KCNH4: variants seen among roughly 807,000 people sequenced by gnomAD.
KCNH4 encodes potassium voltage-gated channel subfamily H member 4.
Under a neutral mutation model 90.7 loss-of-function variants are expected in KCNH4, and 33 were observed. The observed-to-expected ratio is 0.36, with a 90% CI of 0.28 to 0.49. The LOEUF (loss-of-function observed/expected upper bound fraction) is 0.49. Among genes scored for constraint, KCNH4 ranks in the 20% least tolerant of loss-of-function variants. The probability of loss-of-function intolerance (pLI) is 0.98; values close to 1 mark genes in which losing one functional copy is unlikely to be tolerated. For missense variants in KCNH4, 1,044 were observed against 1,387.1 expected (o/e 0.75, Z 3.93); for synonymous variants, 551 against 581.7 (o/e 0.95, Z 0.76).
intron 6 of KCNH4, among the ~76,000 whole-genome samples, chr17:42,173,033 C>T (rs1000293921): frequency 2.6e-5 from 4 of 151,744 alleles, no homozygotes; most frequent in East Asian, 3.9e-4. Context: ...TAGGGGTTGA[C>T]GGAGATAATG....
chr17:42,161,745 C>T (rs1004914620), intron 15 of KCNH4, among the ~76,000 whole-genome samples: 4 of 152,204 alleles, frequency 2.6e-5, no homozygotes, highest in East Asian at 1.9e-4. Flanking sequence ...CCAACTGGTA[C>T]GGAGTGCCTA....
chr17:42,178,544 C>T lies in KCNH4; in HGVS notation c.311-67G>A, dbSNP rs995384236. ...CCATGGCATGCCTTTCTCCTCATCC[C>T]TCTCATCCTCCTAGACATAGTTAAG... On this transcript the variant is annotated intron_variant, in intron 2 of 16. Coordinates refer to ENST00000264661, the MANE Select transcript of KCNH4 (RefSeq NM_012285.3). 1.0e-5 allele frequency: 16 copies of T among 1,564,814 alleles called. No homozygotes were observed. In the African/African-American group the frequency reaches 1.9e-4, roughly 19 times the overall value.
chr17:42,168,723 G>A (rs1257023676), intron 9 of KCNH4, among the ~76,000 whole-genome samples: 7 of 151,862 alleles, frequency 4.6e-5, no homozygotes, highest in Non-Finnish European at 8.8e-5. Flanking sequence ...CTCACCCCCC[G>A]GGCCCTGTTT....
At chr17:42,178,276 C>T (rs1340573973) in intron 3 of KCNH4, 49 bp from the exon 4 acceptor site, 1 of 1,614,112 alleles carries the variant, frequency 6.2e-7, no homozygotes, top group South Asian at 1.1e-5. Flanking sequence ...TCCCTTGCGG[C>T]TGGTTAGGCG....
rs1450294897 is a variant in KCNH4, at chr17:42,160,210, C to T, written c.2884G>A (p.Val962Met). Reference protein sequence around the residue: ...TLAEVHCPASVGTMETGTALL... With the variant: ...TLAEVHCPASMGTMETGTALL... ...GCAGTCCCTGTCTCCATGGTCCCCACACTGGCTGGGCAGTGAACTTCAGCA... is the reference window on the plus strand; with the variant it reads ...GCAGTCCCTGTCTCCATGGTCCCCATACTGGCTGGGCAGTGAACTTCAGCA... Residue 962 changes from valine to methionine, a missense_variant, in exon 16 of 17, where the codon GTG becomes ATG. By Grantham distance (21) the Val-to-Met change is conservative (BLOSUM62 1). Around this residue, in one of 4 missense-constraint regions of KCNH4, gnomAD observed 441 missense variants for 512.3 expected, o/e 0.86. Transcript: ENST00000264661. 6.2e-7 allele frequency: 1 copy of T among 1,613,872 alleles called. No homozygotes were observed. Among genetic ancestry groups the T allele is most frequent in the Admixed American group, 1.7e-5 (1 of 59,998 alleles).
chr17:42,173,774 C>A (rs1162334486), intron 6 of KCNH4, among the ~76,000 whole-genome samples: 1 of 133,504 alleles, frequency 7.5e-6, no homozygotes, highest in East Asian at 2.3e-4. Flanking sequence ...AATCTCGGCT[C>A]ACTGAAAGCT....
Position 42,176,086 on chromosome 17 carries a change from C to G in KCNH4, c.797G>C (p.Ser266Thr). Reference sequence around the variant, plus strand: ...GAAGAGCATTTCCACGGCGATGTCGCTGACAAGGGTGTGTCGCGAAGTGAT... The same window carrying G: ...GAAGAGCATTTCCACGGCGATGTCGGTGACAAGGGTGTGTCGCGAAGTGAT... ...TPITSRHTLV[S>T]DIAVEMLFIL... The change falls in exon 5 of 17, where the codon AGC becomes ACC. Residue 266 changes from serine to threonine, a missense_variant. Ser to Thr is a moderately conservative substitution (Grantham distance 58, BLOSUM62 1). Coordinates refer to ENST00000264661, the MANE Select transcript of KCNH4 (RefSeq NM_012285.3). 6.2e-7 allele frequency: 1 copy of G among 1,610,432 alleles called. No homozygotes were observed. Among genetic ancestry groups the G allele is most frequent in the South Asian group, 1.1e-5 (1 of 91,030 alleles).
At chr17:42,173,120 C>T (rs1020784489) in intron 6 of KCNH4, among the ~76,000 whole-genome samples, 1 of 151,382 alleles carries the variant, frequency 6.6e-6, no homozygotes, top group African/African-American at 2.4e-5. Flanking sequence ...ATTGATTAGC[C>T]CTTCAATCTT....
intron 6 of KCNH4, among the ~76,000 whole-genome samples, chr17:42,174,914 C>T (rs977916677): frequency 6.6e-6 from 1 of 152,180 alleles, no homozygotes; most frequent in Non-Finnish European, 1.5e-5. Flanking sequence ...CCAGCTAAAT[C>T]CTACTCACCC....
chr17:42,162,193 G>A, intron 15 of KCNH4, 55 bp downstream of exon 15: 5 of 1,494,708 alleles, frequency 3.3e-6, no homozygotes, highest in Non-Finnish European at 4.7e-6. Flanking sequence ...TGAGCCACGT[G>A]TAGGGTCTGA....
chr17:42,178,084 TG>T lies in KCNH4; in HGVS notation c.585+15del, dbSNP rs918263297. 8 of 1,610,200 alleles carry T rather than the reference TG, an allele frequency of 5.0e-6. No homozygotes were observed. The highest frequency in any genetic ancestry group is 6.8e-6 in the Non-Finnish European group (8 of 1,178,130). Reference sequence around the variant, plus strand: ...CTGGAGGACTTGGGAGATGTTGGGTTGGGGGTGGGACTCACATTATTGGCCT... The same window carrying T: ...CTGGAGGACTTGGGAGATGTTGGGTTGGGGTGGGACTCACATTATTGGCCT... On this transcript the variant is annotated intron_variant, in intron 4 of 16. Coordinates refer to ENST00000264661, the MANE Select transcript of KCNH4 (RefSeq NM_012285.3).
Position 42,160,396 on chromosome 17 carries a change from C to T in KCNH4, c.2698G>A (p.Glu900Lys). The change falls in exon 16 of 17, where the codon GAG becomes AAG. Residue 900 changes from glutamate to lysine, a missense_variant. Physicochemically the swap from Glu to Lys is moderately conservative, Grantham distance 56. Coordinates refer to ENST00000264661, the MANE Select transcript of KCNH4 (RefSeq NM_012285.3). The part of the protein sequence containing the change: ...LNQEVSQLSR[E>K]LRHIMGLLQA... ...AGCAGGCCCATGATGTGCCGCAGCT[C>T]CCGGCTAAGCTGAGACACCTCCTGA... The T allele has an allele frequency of 6.2e-7, 1 of 1,610,522 alleles. No homozygotes were observed. The highest frequency in any genetic ancestry group is 8.5e-7 in the Non-Finnish European group (1 of 1,177,578).
Position 42,181,034 on chromosome 17 carries a change from G to A in KCNH4, c.-89C>T. 1 of 1,148,388 alleles carries A rather than the reference G, an allele frequency of 8.7e-7. No individual in the cohort carries two copies. The highest frequency in any genetic ancestry group is 1.2e-6 in the Non-Finnish European group (1 of 803,810). 71.1% of individuals were successfully genotyped at this position (1,148,388 alleles called of 1,614,324 possible). A position where few individuals can be genotyped will look rare whatever the true frequency, so the allele number is the denominator to read the frequency against. Reference sequence around the variant, plus strand: ...GGCGCGCTGTCGGAGGGGCCGGGGCGCCCCATGCGCCCTCCTGCCTCCTCC... The same window carrying A: ...GGCGCGCTGTCGGAGGGGCCGGGGCACCCCATGCGCCCTCCTGCCTCCTCC... On this transcript the variant is annotated 5_prime_UTR_variant, in exon 1 of 17. Transcript: ENST00000264661.
chr17:42,174,977 C>T (rs930680998), intron 6 of KCNH4, among the ~76,000 whole-genome samples: 2 of 152,212 alleles, frequency 1.3e-5, no homozygotes, highest in East Asian at 1.9e-4. Flanking sequence ...TTCCCAGACC[C>T]CTCCAGCCTC....
intron 4 of KCNH4, among the ~76,000 whole-genome samples, chr17:42,177,347 C>A (rs994780275): frequency 1.3e-5 from 2 of 151,994 alleles, no homozygotes; most frequent in South Asian, 4.1e-4. Context: ...CTGCGCCTGG[C>A]CTCCAGATAA....
chr17:42,175,907 C>T (rs2079857163), intron 5 of KCNH4, 147 bp downstream of exon 5: 2 of 1,212,146 alleles, frequency 1.6e-6, no homozygotes, highest in Admixed American at 2.1e-5. Flanking sequence ...CTGCGGGGAG[C>T]AGGACACATG....
At chr17:42,165,098 T>G (rs2079777512) in intron 11 of KCNH4, among the ~76,000 whole-genome samples, 1 of 150,564 alleles carries the variant, frequency 6.6e-6, no homozygotes, top group Non-Finnish European at 1.5e-5. Context: ...AGAGTAAGAC[T>G]TCGTCTCAAA....
chr17:42,168,303 C>T (rs565732446), intron 9 of KCNH4, among the ~76,000 whole-genome samples: 2 of 152,240 alleles, frequency 1.3e-5, no homozygotes, highest in East Asian at 1.9e-4. Flanking sequence ...AAGGGAGAGT[C>T]GCATCAGCTG....
At position 42,178,972 on chromosome 17, in the gene KCNH4, T is replaced by C; in HGVS notation, c.131A>G (p.Tyr44Cys). Residue 44 changes from tyrosine to cysteine, a missense_variant, in exon 2 of 17, where the codon TAC (tyrosine) becomes TGC (cysteine). Tyr to Cys is a radical substitution (Grantham distance 194). Transcript: ENST00000264661. Reference sequence around the variant, plus strand: ...GAGCTCGCAGAAGCCGTCGGAGCAGTAGACGATGGGAAAGCCCCGTGTGCC... The same window carrying C: ...GAGCTCGCAGAAGCCGTCGGAGCAGCAGACGATGGGAAAGCCCCGTGTGCC... ...AQGTRGFPIV[Y>C]CSDGFCELTG... 6.2e-7 allele frequency: 1 copy of C among 1,614,198 alleles called. No individual in the cohort carries two copies. Among genetic ancestry groups the C allele is most frequent in the Non-Finnish European group, 8.5e-7 (1 of 1,180,032 alleles).
Sources: allele counts gnomAD v4.1 joint callset (sites outside exome capture counted in the v4.1 genomes callset), GRCh38; gene constraint gnomAD v4.1.1; regional missense constraint gnomAD v4.1.1; transcripts MANE v1.5; gene names NCBI Gene and HGNC (gene_info 2026-07-23, HGNC 2026-07-21).